FGF12: variants seen among roughly 807,000 people sequenced by gnomAD.
FGF12 encodes the protein fibroblast growth factor 12B.
FGF12 carries 14 observed loss-of-function variants against 23.6 expected under a neutral mutation model. The observed-to-expected ratio is 0.59, with a 90% CI of 0.39 to 0.93. The LOEUF (loss-of-function observed/expected upper bound fraction) is 0.93. Ranked by LOEUF, FGF12 falls within the 40% of genes least tolerant of loss-of-function variation. The pLI is 0.00. For missense variants in FGF12, 175 were observed against 217.8 expected (o/e 0.80, Z 1.24); for synonymous variants, 62 against 77.3 (o/e 0.80, Z 1.04).
chr3:192,689,862 T>C (rs1717886615), intron 2 of FGF12, among the ~76,000 whole-genome samples: 1 of 151,104 alleles, frequency 6.6e-6, no homozygotes, highest in African/African-American at 2.4e-5. Flanking sequence ...CAAGATACAT[T>C]ACAATAAAAA....
At chr3:192,385,480 TG>T (rs1576935155) in intron 2 of FGF12, among the ~76,000 whole-genome samples, 3 of 152,286 alleles carry the variant, frequency 2.0e-5, no homozygotes, top group African/African-American at 7.2e-5. Context: ...TTGAAAATTA[TG>T]TTTTCCTAAT....
At chr3:192,165,517 ATT>A (rs72495238) in intron 5 of FGF12, among the ~76,000 whole-genome samples, 86,213 of 145,648 alleles carry the variant, frequency 0.59, 26,035 homozygotes, top group Middle Eastern at 0.7. Context: ...ATCTGGTCCA[ATT>A]TTTTTTTTTT....
chr3:192,457,878 G>GA (rs1355520113), intron 2 of FGF12, among the ~76,000 whole-genome samples: 2 of 152,198 alleles, frequency 1.3e-5, no homozygotes, highest in African/African-American at 4.8e-5. Context: ...AGGCCAAGGA[G>GA]AAAAAAGTGG....
intron 3 of FGF12, among the ~76,000 whole-genome samples, chr3:192,353,558 A>G (rs1429742648): frequency 6.6e-6 from 1 of 151,906 alleles, no homozygotes; most frequent in Admixed American, 6.6e-5. Context: ...TTTAGTAGAG[A>G]CGGGGTTTCA....
At chr3:192,411,268 GC>G (rs1250780370) in intron 2 of FGF12, among the ~76,000 whole-genome samples, 1 of 152,198 alleles carries the variant, frequency 6.6e-6, no homozygotes, top group Non-Finnish European at 1.5e-5. Flanking sequence ...ATGCCCGGGG[GC>G]CTGGACCTTC....
chr3:192,513,393 G>C (rs924070454), intron 2 of FGF12, among the ~76,000 whole-genome samples: 9 of 152,096 alleles, frequency 5.9e-5, no homozygotes, highest in African/African-American at 2.2e-4. Context: ...ATTCCATTTT[G>C]AAAGTGTGTT....
intron 4 of FGF12, among the ~76,000 whole-genome samples, chr3:192,203,759 C>T (rs1478562790): frequency 1.3e-5 from 2 of 151,790 alleles, no homozygotes; most frequent in Non-Finnish European, 2.9e-5. Context: ...AGCTGTCACG[C>T]CCACCTAATT....
chr3:192,409,689 C>A lies in FGF12; in HGVS notation c.14-49151G>T, dbSNP rs986170784. Among the ~76,000 whole-genome samples, 1 of 152,184 alleles carries A rather than the reference C, an allele frequency of 6.6e-6. No individual in the cohort carries two copies. The highest frequency in any genetic ancestry group is 2.4e-5 in the African/African-American group (1 of 41,464). On this transcript the variant is annotated intron_variant, in intron 2 of 5. Transcript: ENST00000445105. The surrounding 1 kb of genome is among the most constrained non-coding windows in gnomAD (Gnocchi z 4.8). ...GGCTCGCGGCGGCTGAGGCTCCTGG[C>A]CGGAGCTGCCCACCATGGTCTGGCG...
At chr3:192,340,779 C>T (rs1717653735) in intron 3 of FGF12, among the ~76,000 whole-genome samples, 1 of 151,840 alleles carries the variant, frequency 6.6e-6, no homozygotes, top group South Asian at 2.1e-4. Context: ...GAAATTGGGC[C>T]CTTATGTTAT....
At chr3:192,223,928 A>G (rs904638797) in intron 4 of FGF12, among the ~76,000 whole-genome samples, 2 of 152,128 alleles carry the variant, frequency 1.3e-5, no homozygotes, top group East Asian at 1.9e-4. Flanking sequence ...GCACTTCCCC[A>G]TAGCCCATAA....
intron 2 of FGF12, among the ~76,000 whole-genome samples, chr3:192,543,297 C>T (rs755658737): frequency 1.3e-5 from 2 of 152,120 alleles, no homozygotes; most frequent in African/African-American, 2.4e-5. Flanking sequence ...TGCCCCAGAC[C>T]CATGGCGAGT....
At chr3:192,170,368 G>A in intron 5 of FGF12, 90 bp downstream of exon 5, 1 of 1,007,412 alleles carries the variant, frequency 9.9e-7, no homozygotes, top group Non-Finnish European at 1.5e-6. Context: ...TTGCATTCCA[G>A]GCAAACTCTC....
intron 3 of FGF12, among the ~76,000 whole-genome samples, chr3:192,341,662 G>T (rs1717697505): frequency 6.6e-6 from 1 of 152,066 alleles, no homozygotes; most frequent in South Asian, 2.1e-4. Flanking sequence ...AATTTAAGTG[G>T]AAGGAGAAGA....
At chr3:192,602,963 A>G (rs1714177213) in intron 2 of FGF12, among the ~76,000 whole-genome samples, 1 of 152,156 alleles carries the variant, frequency 6.6e-6, no homozygotes, top group Non-Finnish European at 1.5e-5. Context: ...AACACAGGAA[A>G]AGCTTTCAAT....
Position 192,514,777 on chromosome 3 carries a change from G to T in FGF12, c.14-154239C>A, listed in dbSNP as rs2108842140. ...CTTCATGGAGAAGCGCGTGTGTGGG[G>T]TTGGTCAACTCCCCGCCCACCTGCG... On this transcript the variant is annotated intron_variant, in intron 2 of 5. Coordinates refer to ENST00000445105, the MANE Select transcript of FGF12 (RefSeq NM_004113.6). The surrounding 1 kb of genome is among the most constrained non-coding windows in gnomAD (Gnocchi z 4.9). 1 of 985,418 alleles carries T rather than the reference G, an allele frequency of 1.0e-6. No homozygotes were observed. Among genetic ancestry groups the T allele is most frequent in the East Asian group, 1.1e-4 (1 of 8,808 alleles). 61.0% of individuals were successfully genotyped at this position (985,418 alleles called of 1,614,324 possible).
Position 192,408,469 on chromosome 3 carries a change from G to C in FGF12, c.14-47931C>G. The C allele has an allele frequency of 7.4e-7, 1 of 1,359,084 alleles. No homozygotes were observed. Among genetic ancestry groups the C allele is most frequent in the Non-Finnish European group, 9.4e-7 (1 of 1,060,240 alleles). 84.2% of individuals were successfully genotyped at this position (1,359,084 alleles called of 1,614,324 possible). On this transcript the variant is annotated intron_variant, in intron 2 of 5. Coordinates refer to ENST00000445105, the MANE Select transcript of FGF12 (RefSeq NM_004113.6). The surrounding 1 kb of genome is among the most constrained non-coding windows in gnomAD (Gnocchi z 7.3). The stretch of plus-strand genomic sequence containing the variant: ...CCAACCTCTGGCGGCCGGGGGGCGG[G>C]GCGGGGCGGTCCCAGGCCCTCTTGC...
chr3:192,359,086 G>A (rs1175948859), intron 3 of FGF12, among the ~76,000 whole-genome samples: 1 of 152,086 alleles, frequency 6.6e-6, no homozygotes, highest in Non-Finnish European at 1.5e-5. Context: ...TGAGTTGAAA[G>A]CTTTAATCAT....
intron 2 of FGF12, among the ~76,000 whole-genome samples, chr3:192,652,954 G>A (rs1716267741): frequency 6.6e-6 from 1 of 152,182 alleles, no homozygotes; most frequent in East Asian, 1.9e-4. Context: ...TACTGAAAGG[G>A]AGACTTAAGC....
rs535872260 is a variant in FGF12, at chr3:192,292,155, A to C, written c.228+43206T>G. 4.4e-4 allele frequency among the ~76,000 whole-genome samples: 67 copies of C among 152,316 alleles called. 1 individual carries two copies. The highest frequency in any genetic ancestry group is 5.0e-4 in the Non-Finnish European group (34 of 68,012). ...ATTGCTCAGAATCAGAAGTTTGTTCAGCGTGTTATAAGCGACTTTCTAAGG... is the reference window on the plus strand; with the variant it reads ...ATTGCTCAGAATCAGAAGTTTGTTCCGCGTGTTATAAGCGACTTTCTAAGG... On this transcript the variant is annotated intron_variant, in intron 4 of 5. Transcript: ENST00000445105.
Sources: gnomAD v4.1 joint callset for allele counts (sites outside exome capture counted in the v4.1 genomes callset) on GRCh38, gnomAD v4.1.1 for gene constraint, Gnocchi (gnomAD v3.1) non-coding constraint, MANE v1.5 for transcripts, NCBI Gene and HGNC (gene_info 2026-07-23, HGNC 2026-07-21) for gene names.